Variants in BLM observed in about 807,000 individuals in gnomAD.
BLM encodes the protein BLM RecQ like helicase, also known as recQ-like DNA helicase BLM.
Under a neutral mutation model 135.3 loss-of-function variants are expected in BLM, and 95 were observed. The ratio of observed to expected loss-of-function variants is 0.70; its 90% CI spans 0.59 to 0.83. BLM has a LOEUF of 0.83. BLM is among the 40% of genes least tolerant of loss of function. The pLI, the probability that BLM is intolerant of heterozygous loss-of-function variation, is 0.00. For missense variants in BLM, 1,518 were observed against 1,663.9 expected, an observed-to-expected ratio of 0.91 and a Z score of 1.53; for synonymous variants, 520 against 589.2, an observed-to-expected ratio of 0.88 and a Z score of 1.70.
intron 1 of BLM, among the ~76,000 whole-genome samples, chr15:90,738,967 C>T (rs540782839): frequency 7.1e-4 from 108 of 152,294 alleles, no homozygotes; most frequent in African/African-American, 2.4e-3. Context: ...TTCAGCAATT[C>T]TCAAAAAGAT....
In BLM at chr15:90,784,930, G is replaced by T. The variant is rs763471784; in HGVS notation, c.2672G>T (p.Gly891Val). Residue 891 changes from glycine to valine, a missense_variant, in exon 14 of 22, where the codon GGG (glycine) becomes GTG (valine). Physicochemically the swap from Gly to Val is moderately radical, Grantham distance 109 (BLOSUM62 -3). Transcript: ENST00000355112. ...WIRKHHPYDS[G>V]IIYCLSRREC... ...CTTGGTTTCTTGGCAGATGATTCAG[G>T]GATAATTTACTGCCTCTCCAGGCGA... The T allele has an allele frequency of 6.2e-7, 1 of 1,613,516 alleles. No homozygotes were observed.
chr15:90,784,183 A>T (rs1896684112), intron 13 of BLM, among the ~76,000 whole-genome samples: 1 of 152,088 alleles, frequency 6.6e-6, no homozygotes, highest in Non-Finnish European at 1.5e-5. Flanking sequence ...GTAATTTTTA[A>T]AGTTTGAAGT....
chr15:90,811,459 A>G, intron 21 of BLM, 53 bp downstream of exon 21: 1 of 1,556,692 alleles, frequency 6.4e-7, no homozygotes. Flanking sequence ...GAAAGGACAA[A>G]AGTGCAACAG....
chr15:90,814,965 G>A (rs1897518661), intron 21 of BLM, 137 bp from the exon 22 acceptor site: 1 of 799,448 alleles, frequency 1.3e-6, no homozygotes, highest in Non-Finnish European at 2.0e-6. Flanking sequence ...CCTTACCTAG[G>A]GGGCTCGTAG....
At chr15:90,767,734 C>T (rs117583797) in intron 10 of BLM, among the ~76,000 whole-genome samples, 8,893 of 152,090 alleles carry the variant, frequency 0.058, 357 homozygotes, top group Non-Finnish European at 0.077. Context: ...TTACTCATTT[C>T]TTTTTGGCCT....
intron 1 of BLM, among the ~76,000 whole-genome samples, chr15:90,746,974 G>T (rs922569997): frequency 6.6e-6 from 1 of 152,058 alleles, no homozygotes; most frequent in Non-Finnish European, 1.5e-5. Context: ...TTATTCATTT[G>T]TTCTTTGGGC....
rs1318049766 is a variant in BLM at position 90,760,985 on chromosome 15, G to C, written c.1612G>C (p.Ala538Pro). The C allele has an allele frequency of 2.5e-6, 4 of 1,611,956 alleles. No homozygotes were observed. Among genetic ancestry groups the C allele is most frequent in the Middle Eastern group, 1.6e-4 (1 of 6,070 alleles). Residue 538 changes from alanine to proline, a missense_variant, in exon 7 of 22, where the codon GCT (alanine) becomes CCT (proline). By Grantham distance (27) the Ala-to-Pro change is conservative. Coordinates refer to ENST00000355112, the MANE Select transcript of BLM (RefSeq NM_000057.4). Reference protein sequence around the residue: ...TAVKDQNKHTASINDLERETQ... With the variant: ...TAVKDQNKHTPSINDLERETQ... ...TGTGAAAGATCAGAATAAACATACT[G>C]CTTCAATAAATGACTTAGAAAGAGA...
At position 90,809,141 on chromosome 15, in the gene BLM, T is replaced by A. The variant is rs771209895; in HGVS notation, c.3756T>A (p.Ser1252=). ...NTVTLKKLAE[S]LSSDPEVLLQ... is the part of the protein sequence containing the mutation. ...TAATTTTATGCCTTTGCACAGAATC[T>A]TTATCTTCTGATCCTGAGGTTTTGC... The change falls in exon 20 of 22, where the codon TCT becomes TCA. Residue 1252 remains serine (S), a synonymous_variant. Coordinates refer to ENST00000355112, the MANE Select transcript of BLM (RefSeq NM_000057.4). 2.5e-6 allele frequency: 4 copies of A among 1,614,096 alleles called. No homozygotes were observed. The highest frequency in any genetic ancestry group is 3.4e-6 in the Non-Finnish European group (4 of 1,180,018).
intron 20 of BLM, among the ~76,000 whole-genome samples, chr15:90,810,562 C>T (rs562820085): frequency 6.6e-6 from 1 of 152,206 alleles, no homozygotes; most frequent in South Asian, 2.1e-4. Context: ...AGGTTTCATG[C>T]TTTTTGGGTG....
At chr15:90,769,330 C>T (rs1008259838) in intron 11 of BLM, 99 bp downstream of exon 11, 4 of 1,544,288 alleles carry the variant, frequency 2.6e-6, no homozygotes, top group South Asian at 1.1e-5. Context: ...GAACGAGTCT[C>T]CTATTTTACT....
chr15:90,774,987 G>T (rs957957535), intron 12 of BLM, among the ~76,000 whole-genome samples: 3 of 152,192 alleles, frequency 2.0e-5, no homozygotes, highest in African/African-American at 7.2e-5. Context: ...TTTAACCTGG[G>T]AAGTGGCTTG....
intron 10 of BLM, 99 bp from the exon 11 acceptor site, chr15:90,769,034 G>T: frequency 9.1e-7 from 1 of 1,104,778 alleles, no homozygotes; most frequent in Non-Finnish European, 1.4e-6. Flanking sequence ...CCTTATAGAG[G>T]TTTTAATACA....
At chr15:90,735,782 A>G (rs1021232332) in intron 1 of BLM, among the ~76,000 whole-genome samples, 12 of 152,158 alleles carry the variant, frequency 7.9e-5, no homozygotes, top group Non-Finnish European at 5.9e-5. Flanking sequence ...AGAGGGGGAA[A>G]AATTGGCTAC....
intron 5 of BLM, 95 bp downstream of exon 5, chr15:90,755,033 G>A: frequency 6.9e-7 from 1 of 1,450,604 alleles, no homozygotes; most frequent in Non-Finnish European, 9.4e-7. Flanking sequence ...GTGGCTGTAT[G>A]TTATAAAATG....
chr15:90,749,108 C>G (rs1318256496), intron 2 of BLM, among the ~76,000 whole-genome samples: 1 of 152,108 alleles, frequency 6.6e-6, no homozygotes, highest in African/African-American at 2.4e-5. Flanking sequence ...ATGCTATTAA[C>G]TAAGGACTAC....
chr15:90,725,329 G>T (rs959039536), intron 1 of BLM, among the ~76,000 whole-genome samples: 5 of 152,144 alleles, frequency 3.3e-5, no homozygotes, highest in Non-Finnish European at 7.3e-5. Flanking sequence ...CAATGTATTA[G>T]ATTTTCCGTT....
intron 1 of BLM, among the ~76,000 whole-genome samples, chr15:90,728,660 C>T (rs559725263): frequency 1.2e-4 from 18 of 152,058 alleles, no homozygotes; most frequent in Non-Finnish European, 2.4e-4. Flanking sequence ...CCCACCTTGG[C>T]CTCCCAAAGT....
chr15:90,759,040 A>G (rs1596227403), intron 5 of BLM, among the ~76,000 whole-genome samples: 1 of 152,216 alleles, frequency 6.6e-6, no homozygotes, highest in East Asian at 1.9e-4. Context: ...TAAAAATAAA[A>G]TCATAGTTAA....
chr15:90,810,617 A>T (rs1199057634), intron 20 of BLM, among the ~76,000 whole-genome samples: 1 of 152,138 alleles, frequency 6.6e-6, no homozygotes, highest in African/African-American at 2.4e-5. Flanking sequence ...TTCTTTGCAA[A>T]TGTGTGCTTT....
Sources: allele counts gnomAD v4.1 joint callset (sites outside exome capture counted in the v4.1 genomes callset), GRCh38; gene constraint gnomAD v4.1.1; transcripts MANE v1.5; gene names NCBI Gene and HGNC (gene_info 2026-07-23, HGNC 2026-07-21).